ZNF140: variants seen among roughly 807,000 people sequenced by gnomAD.
ZNF140 encodes zinc finger protein 140 (clone pHZ-39).
Under a neutral mutation model 12.9 loss-of-function variants are expected in ZNF140, and 13 were observed. The observed-to-expected ratio is 1.01, with a 90% CI of 0.66 to 1.60. ZNF140 has a LOEUF of 1.60. ZNF140 is among the 40% of genes most tolerant of loss of function. The pLI is 0.00. For synonymous variants in ZNF140, 214 were observed against 186.7 expected (o/e 1.15, Z -1.19); for missense variants, 531 against 548.8 (o/e 0.97, Z 0.32).
In ZNF140 at chr12:133,106,683, T is replaced by C. The variant is rs1412279487; in HGVS notation, c.*32T>C. ...ACTGCAAAGAAAAACTATGAATGTA[T>C]GGAATTTTTTAAAAAGAAGTATAAT... On this transcript the variant is annotated 3_prime_UTR_variant, in exon 5 of 5. Transcript: ENST00000355557. The C allele has an allele frequency of 2.7e-6, 4 of 1,508,652 alleles. No individual in the cohort carries two copies. Among genetic ancestry groups the C allele is most frequent in the Non-Finnish European group, 3.5e-6 (4 of 1,133,590 alleles). 93.5% of individuals were successfully genotyped at this position (1,508,652 alleles called of 1,614,324 possible). A position where few individuals can be genotyped will look rare whatever the true frequency, so the allele number is the denominator to read the frequency against.
chr12:133,084,660 A>G (rs1415492300), intron 4 of ZNF140, among the ~76,000 whole-genome samples: 4 of 152,258 alleles, frequency 2.6e-5, no homozygotes, highest in East Asian at 3.8e-4. Context: ...AGTTGCTTCT[A>G]TAGCACATGT....
chr12:133,091,153 A>T (rs899762411), intron 4 of ZNF140, among the ~76,000 whole-genome samples: 2 of 150,038 alleles, frequency 1.3e-5, no homozygotes, highest in African/African-American at 2.5e-5. Context: ...TTCTCATCCC[A>T]CGAGGCCATA....
intron 4 of ZNF140, among the ~76,000 whole-genome samples, chr12:133,095,389 G>T (rs1248549641): frequency 1.3e-5 from 2 of 150,776 alleles, no homozygotes; most frequent in Non-Finnish European, 2.9e-5. Flanking sequence ...GATGTACTTG[G>T]GAATCTCTCG....
At chr12:133,084,455 A>G (rs1954607369) in intron 4 of ZNF140, among the ~76,000 whole-genome samples, 1 of 152,232 alleles carries the variant, frequency 6.6e-6, no homozygotes. Flanking sequence ...CAAGGAATTC[A>G]TGGCCTAGTG....
chr12:133,093,851 C>T (rs1338829896), intron 4 of ZNF140, among the ~76,000 whole-genome samples: 84 of 150,994 alleles, frequency 5.6e-4, no homozygotes, highest in Admixed American at 5.5e-3. Flanking sequence ...CTGTGTCTCT[C>T]TCTAATCTCT....
upstream of ZNF140, chr12:133,080,474 C>T (rs1192158794): frequency 6.6e-6 from 1 of 152,514 alleles, no homozygotes; most frequent in African/African-American, 2.4e-5. Flanking sequence ...GTGTGGTGGC[C>T]TGAGTTCCAC....
intron 4 of ZNF140, among the ~76,000 whole-genome samples, chr12:133,103,444 TTG>T (rs1491586221): frequency 8.1e-5 from 12 of 147,806 alleles, no homozygotes; most frequent in South Asian, 2.1e-4. Flanking sequence ...TTTTTTTTTT[TTG>T]GGTAAAGACA....
intron 4 of ZNF140, among the ~76,000 whole-genome samples, chr12:133,104,670 T>TA (rs1955515316): frequency 6.6e-6 from 1 of 152,198 alleles, no homozygotes; most frequent in Admixed American, 6.5e-5. Context: ...AATGTATTTT[T>TA]AAGGAGACAC....
chr12:133,101,072 G>A (rs1008185838), intron 4 of ZNF140: 11 of 398,012 alleles, frequency 2.8e-5, no homozygotes, highest in Non-Finnish European at 5.4e-5. Context: ...TTTTTCCTTT[G>A]ACTTCTTTTT....
At chr12:133,095,725 A>C (rs553402090) in intron 4 of ZNF140, among the ~76,000 whole-genome samples, 85 of 151,518 alleles carry the variant, frequency 5.6e-4, no homozygotes, top group African/African-American at 1.9e-3. Flanking sequence ...GGTCAGCAAA[A>C]AACATGTGAG....
Position 133,106,249 on chromosome 12 carries a change from A to G in ZNF140, c.972A>G (p.Thr324=), listed in dbSNP as rs1955589549. The G allele has an allele frequency of 6.2e-7, 1 of 1,614,168 alleles. No homozygotes were observed. Among genetic ancestry groups the G allele is most frequent in the South Asian group, 1.1e-5 (1 of 91,084 alleles). The change falls in exon 5 of 5, where the codon ACA becomes ACG. Residue 324 remains threonine (T), a synonymous_variant. Transcript: ENST00000355557. ...SHLTRHQSIH[T]TKTPYECNEC... Reference sequence around the variant, plus strand: ...TTACTCGACATCAGAGCATCCATACAACCAAAACCCCGTATGAATGTAATG... The same window carrying G: ...TTACTCGACATCAGAGCATCCATACGACCAAAACCCCGTATGAATGTAATG...
intron 4 of ZNF140, 126 bp from the exon 5 acceptor site, chr12:133,105,384 A>C (rs1393588147): frequency 3.2e-6 from 3 of 947,424 alleles, no homozygotes; most frequent in Non-Finnish European, 4.6e-6. Flanking sequence ...TTTCAGTCAC[A>C]GCTGTGAAAG....
At chr12:133,097,837 G>GTGTGTGTGTGTGTGTGTGTA (rs1955188258) in intron 4 of ZNF140, among the ~76,000 whole-genome samples, 1 of 151,432 alleles carries the variant, frequency 6.6e-6, no homozygotes, top group Non-Finnish European at 1.5e-5. Flanking sequence ...GTGTGTGTGT[G>GTGTGTGTGTGTGTGTGTGTA]TGTGTGTGTG....
intron 4 of ZNF140, among the ~76,000 whole-genome samples, chr12:133,083,816 C>T (rs1010245907): frequency 1.1e-4 from 16 of 151,918 alleles, no homozygotes; most frequent in African/African-American, 2.7e-4. Context: ...AAAAATTTGC[C>T]GGGCTTGGTG....
intron 4 of ZNF140, among the ~76,000 whole-genome samples, chr12:133,100,014 G>A (rs1169838691): frequency 1.3e-5 from 2 of 151,042 alleles, no homozygotes; most frequent in Non-Finnish European, 2.9e-5. Flanking sequence ...AAGATCTGAT[G>A]TACGGTAATC....
At chr12:133,090,840 C>T (rs113305805) in intron 4 of ZNF140, among the ~76,000 whole-genome samples, 4,316 of 122,590 alleles carry the variant, frequency 0.035, 267 homozygotes, top group East Asian at 0.097. Context: ...AGGGAAGGTA[C>T]TATGCCTAGA....
At chr12:133,103,586 A>C (rs1026085167) in intron 4 of ZNF140, among the ~76,000 whole-genome samples, 1 of 149,738 alleles carries the variant, frequency 6.7e-6, no homozygotes, top group Non-Finnish European at 1.5e-5. Context: ...ACAGCTTTCT[A>C]TTTTTTTTTA....
At chr12:133,090,461 T>C (rs939050914) in intron 4 of ZNF140, among the ~76,000 whole-genome samples, 3 of 152,156 alleles carry the variant, frequency 2.0e-5, no homozygotes, top group Admixed American at 6.5e-5. Context: ...CTGATTTTTA[T>C]TTCTTTTCTT....
intron 4 of ZNF140, among the ~76,000 whole-genome samples, chr12:133,102,096 T>G (rs992613996): frequency 1.3e-5 from 2 of 152,168 alleles, no homozygotes; most frequent in African/African-American, 2.4e-5. Context: ...AATCTTAAAA[T>G]CATGGTAAGC....
Sources: allele counts gnomAD v4.1 joint callset (sites outside exome capture counted in the v4.1 genomes callset), GRCh38; gene constraint gnomAD v4.1.1; transcripts MANE v1.5; gene names NCBI Gene and HGNC (gene_info 2026-07-23, HGNC 2026-07-21).